SLCO1A2: variants seen among roughly 807,000 people sequenced by gnomAD.
SLCO1A2 encodes the protein OATP-1.
Under a neutral mutation model 69.0 loss-of-function variants are expected in SLCO1A2, and 67 were observed. That is an observed-to-expected ratio of 0.97 (90% CI 0.80 to 1.19). The LOEUF (loss-of-function observed/expected upper bound fraction) is 1.19, where lower values mean the gene tolerates loss of function less well. SLCO1A2 is among the 50% of genes most tolerant of loss of function. SLCO1A2 has a pLI of 0.00. For synonymous variants in SLCO1A2, 260 were observed against 265.9 expected (o/e 0.98, Z 0.22); for missense variants, 787 against 793.7 (o/e 0.99, Z 0.10).
At chr12:21,320,379 G>T (rs372165452) in intron 2 of SLCO1A2, among the ~76,000 whole-genome samples, 1 of 152,096 alleles carries the variant, frequency 6.6e-6, no homozygotes, top group Non-Finnish European at 1.5e-5. Context: ...AAAGATTGGT[G>T]TCCCTTTCCT....
chr12:21,367,793 G>A (rs960664257), intron 2 of SLCO1A2, among the ~76,000 whole-genome samples: 7 of 151,406 alleles, frequency 4.6e-5, no homozygotes, highest in African/African-American at 1.7e-4. Context: ...GATCCAACAT[G>A]GGATAATTTT....
intron 8 of SLCO1A2, among the ~76,000 whole-genome samples, chr12:21,299,149 A>G (rs75714623): frequency 0.014 from 2,176 of 152,202 alleles, 51 homozygotes; most frequent in African/African-American, 0.049. Context: ...TTAAGTTCCA[A>G]TAGCCAGGCT....
At chr12:21,288,446 A>C (rs1946312949) in intron 12 of SLCO1A2, among the ~76,000 whole-genome samples, 1 of 152,140 alleles carries the variant, frequency 6.6e-6, no homozygotes, top group East Asian at 1.9e-4. Flanking sequence ...ATCTGAGAAA[A>C]AAAAGAAAAA....
chr12:21,335,487 T>C (rs1952853206), upstream of SLCO1A2, among the ~76,000 whole-genome samples: 1 of 151,970 alleles, frequency 6.6e-6, no homozygotes, highest in Admixed American at 6.6e-5. Flanking sequence ...AAATAAATTC[T>C]ACTAATCCCA....
chr12:21,330,916 T>C (rs886186675), intron 2 of SLCO1A2, among the ~76,000 whole-genome samples: 3 of 152,156 alleles, frequency 2.0e-5, no homozygotes, highest in Admixed American at 2.0e-4. Flanking sequence ...TGGTTTGACA[T>C]AAATATTTCT....
At chr12:21,388,703 G>A (rs1307762289) in intron 1 of SLCO1A2, among the ~76,000 whole-genome samples, 1 of 151,934 alleles carries the variant, frequency 6.6e-6, no homozygotes, top group Non-Finnish European at 1.5e-5. Context: ...TAAAATTCTA[G>A]GGTACTGTGG....
chr12:21,342,496 A>T (rs1462034674), intron 2 of SLCO1A2, among the ~76,000 whole-genome samples: 1 of 152,060 alleles, frequency 6.6e-6, no homozygotes, highest in Non-Finnish European at 1.5e-5. Context: ...TTATTTTAAC[A>T]AATTAAAACA....
At chr12:21,295,468 T>G (rs1021378654) in intron 10 of SLCO1A2, 129 bp downstream of exon 10, 2 of 649,696 alleles carry the variant, frequency 3.1e-6, no homozygotes, top group Non-Finnish European at 5.3e-6. Flanking sequence ...GGAGGAAAGA[T>G]ACAGGAAAAG....
intron 2 of SLCO1A2, among the ~76,000 whole-genome samples, chr12:21,369,944 T>G (rs1389357346): frequency 6.6e-6 from 1 of 152,218 alleles, no homozygotes; most frequent in African/African-American, 2.4e-5. Flanking sequence ...GAGATTGGGA[T>G]AGATGTTGAT....
chr12:21,314,339 C>T (rs1173340513), intron 4 of SLCO1A2, among the ~76,000 whole-genome samples: 1 of 152,072 alleles, frequency 6.6e-6, no homozygotes, highest in Non-Finnish European at 1.5e-5. Flanking sequence ...GTCCCAAATC[C>T]CCATTGTGTA....
intron 9 of SLCO1A2, among the ~76,000 whole-genome samples, chr12:21,296,348 C>T (rs1439481640): frequency 6.6e-6 from 1 of 152,074 alleles, no homozygotes; most frequent in Non-Finnish European, 1.5e-5. Context: ...TTAAGAGATG[C>T]TCCCACCTCA....
At position 21,316,341 on chromosome 12, in the gene SLCO1A2, A is replaced by G. The variant is rs7974395; in HGVS notation, c.203-1660T>C. On this transcript the variant is annotated intron_variant, in intron 3 of 14. Transcript: ENST00000683939. ...ACACATATTCTCTAGTTTCTCTCCAAACTTCCCAGAACATTCATCCATATT... is the reference window on the plus strand; with the variant it reads ...ACACATATTCTCTAGTTTCTCTCCAGACTTCCCAGAACATTCATCCATATT... Among the ~76,000 whole-genome samples, 250 of 152,020 alleles carry G rather than the reference A, an allele frequency of 1.6e-3. 1 individual carries two copies. Among genetic ancestry groups the G allele is most frequent in the African/African-American group, 5.7e-3 (237 of 41,460 alleles).
intron 12 of SLCO1A2, among the ~76,000 whole-genome samples, chr12:21,276,107 G>A (rs1446749573): frequency 3.3e-5 from 5 of 152,092 alleles, no homozygotes; most frequent in South Asian, 2.1e-4. Context: ...TTTAATTTAT[G>A]CTATAAGAGA....
At position 21,316,290 on chromosome 12, in the gene SLCO1A2, T is replaced by C. The variant is rs116148223; in HGVS notation, c.203-1609A>G. Reference sequence around the variant, plus strand: ...AAATCTCTCATATGTATTTTAAGCCTCTCTCTCTCAACTAGACTTTAGCCT... The same window carrying C: ...AAATCTCTCATATGTATTTTAAGCCCCTCTCTCTCAACTAGACTTTAGCCT... On this transcript the variant is annotated intron_variant, in intron 3 of 14. Transcript: ENST00000683939. Among the ~76,000 whole-genome samples, 657 of 152,196 alleles carry C rather than the reference T, an allele frequency of 4.3e-3. 6 individuals are homozygous for C. Among genetic ancestry groups the C allele is most frequent in the African/African-American group, 0.015 (616 of 41,526 alleles).
intron 2 of SLCO1A2, among the ~76,000 whole-genome samples, chr12:21,364,696 A>G (rs1236104910): frequency 6.6e-6 from 1 of 152,238 alleles, no homozygotes; most frequent in Non-Finnish European, 1.5e-5. Flanking sequence ...AACTTCAGCA[A>G]AATCTCAGGA....
rs184282184 is a variant in SLCO1A2, at chr12:21,361,131, C to T, written c.-63+13268G>A. 7.9e-3 allele frequency among the ~76,000 whole-genome samples: 1,192 copies of T among 151,528 alleles called. 13 individuals are homozygous for T. Among genetic ancestry groups the T allele is most frequent in the African/African-American group, 0.027 (1,117 of 41,206 alleles). On this transcript the variant is annotated intron_variant, in intron 2 of 15. Coordinates refer to the SLCO1A2 transcript ENST00000307378. ...CCTGAGTAGCCTAACTGGGAGGCAC[C>T]TCCCAGTAGGGGCCGACAGACACCT...
At position 21,276,387 on chromosome 12, in the gene SLCO1A2, GACACACACAC is replaced by G. The variant is rs3060629; in HGVS notation, c.1611-973_1611-964del. Among the ~76,000 whole-genome samples, 31 of 141,998 alleles carry G rather than the reference GACACACACAC, an allele frequency of 2.2e-4. No individual in the cohort carries two copies. In the East Asian group the frequency reaches 3.9e-3, roughly 18 times the overall value. 93.2% of individuals were successfully genotyped at this position (141,998 alleles called of 152,430 possible). A position where few individuals can be genotyped will look rare whatever the true frequency, so the allele number is the denominator to read the frequency against. On this transcript the variant is annotated intron_variant, in intron 12 of 14. Coordinates refer to ENST00000683939, the MANE Select transcript of SLCO1A2 (RefSeq NM_001386879.1). ...CGTAGAGATGATAGAGATAAATATGGACACACACACACACACACACACACACACACACACA... is the reference window on the plus strand; with the variant it reads ...CGTAGAGATGATAGAGATAAATATGGACACACACACACACACACACACACA...
At chr12:21,278,538 A>C (rs1944276970) in intron 12 of SLCO1A2, among the ~76,000 whole-genome samples, 2 of 152,172 alleles carry the variant, frequency 1.3e-5, no homozygotes, top group South Asian at 2.1e-4. Flanking sequence ...CTTAGCACAG[A>C]GAGACTCCAC....
At chr12:21,335,033 A>G (rs1434663987), upstream of SLCO1A2, 1 of 158,558 alleles carries the variant, frequency 6.3e-6, no homozygotes, top group African/African-American at 2.4e-5. Flanking sequence ...AATAGTACCA[A>G]AAGACTTCCA....
Sources: allele counts gnomAD v4.1 joint callset (sites outside exome capture counted in the v4.1 genomes callset), GRCh38; gene constraint gnomAD v4.1.1; transcripts MANE v1.5; gene names NCBI Gene and HGNC (gene_info 2026-07-23, HGNC 2026-07-21).